Variants in ARHGAP18 observed in about 807,000 individuals in gnomAD.
ARHGAP18 encodes rho GTPase-activating protein 18.
ARHGAP18 carries 67 observed loss-of-function variants against 86.2 expected under a neutral mutation model. The ratio of observed to expected loss-of-function variants is 0.78; its 90% CI spans 0.64 to 0.95. The LOEUF is 0.95. ARHGAP18 is among the 40% of genes least tolerant of loss of function. The probability of loss-of-function intolerance (pLI) is 0.00; values close to 1 mark genes in which losing one functional copy is unlikely to be tolerated. For synonymous variants in ARHGAP18, 283 were observed against 280.4 expected, an observed-to-expected ratio of 1.01 and a Z score of -0.09; for missense variants, 691 against 780.4, an observed-to-expected ratio of 0.89 and a Z score of 1.37.
chr6:129,626,670 CAT>C (rs1315202363), intron 5 of ARHGAP18, among the ~76,000 whole-genome samples: 4 of 85,680 alleles, frequency 4.7e-5, no homozygotes, highest in African/African-American at 1.6e-4. Flanking sequence ...AACACACACA[CAT>C]ACACACACAC....
rs1788210084 is a variant in ARHGAP18 at position 129,577,833 on chromosome 6, T to C, written c.*680A>G. 1 of 152,188 alleles carries C rather than the reference T, an allele frequency of 6.6e-6. No individual in the cohort carries two copies. Among genetic ancestry groups the C allele is most frequent in the Admixed American group, 6.5e-5 (1 of 15,282 alleles). 9.4% of individuals were successfully genotyped at this position (152,188 alleles called of 1,614,324 possible). A position where few individuals can be genotyped will look rare whatever the true frequency, so the allele number is the denominator to read the frequency against. On this transcript the variant is annotated 3_prime_UTR_variant, in exon 15 of 15. Transcript: ENST00000368149. ...AGTATATAAGTATTTAATGGTTCAGTAATAACTGGCAGCTTCTGACAGTCC... is the reference window on the plus strand; with the variant it reads ...AGTATATAAGTATTTAATGGTTCAGCAATAACTGGCAGCTTCTGACAGTCC...
At position 129,625,113 on chromosome 6, in the gene ARHGAP18, ATATAG is replaced by A. The variant is rs1215421147; in HGVS notation, c.786+4235_786+4239del. On this transcript the variant is annotated intron_variant, in intron 5 of 14. Transcript: ENST00000368149. ...TGATATATGATATATATTATATATTATATAGATATATATTATATATGATATATATT... is the reference window on the plus strand; with the variant it reads ...TGATATATGATATATATTATATATTAATATATATTATATATGATATATATT... Among the ~76,000 whole-genome samples the A allele has an allele frequency of 4.9e-4, 25 of 51,390 alleles. 5 individuals carry two copies. Among genetic ancestry groups the A allele is most frequent in the East Asian group, 2.4e-3 (6 of 2,462 alleles). The allele number at this position is 51,390 out of a possible 152,430, so 33.7% of individuals were successfully genotyped here. A position where few individuals can be genotyped will look rare whatever the true frequency, so the allele number is the denominator to read the frequency against.
At chr6:129,654,518 C>T (rs1773786818) in intron 1 of ARHGAP18, among the ~76,000 whole-genome samples, 1 of 152,188 alleles carries the variant, frequency 6.6e-6, no homozygotes, top group Non-Finnish European at 1.5e-5. Context: ...TAGCAAAATT[C>T]CCACTTAACC....
chr6:129,691,139 G>T (rs1466045520), intron 1 of ARHGAP18, among the ~76,000 whole-genome samples: 1 of 152,144 alleles, frequency 6.6e-6, no homozygotes, highest in Non-Finnish European at 1.5e-5. Flanking sequence ...ATGAGATGGG[G>T]AAGAAGCAGG....
intron 12 of ARHGAP18, among the ~76,000 whole-genome samples, chr6:129,585,529 G>A (rs577736610): frequency 2.6e-5 from 4 of 152,238 alleles, no homozygotes; most frequent in South Asian, 2.1e-4. Flanking sequence ...TGGGATTGTG[G>A]AAGACCACAG....
At chr6:129,634,700 T>G (rs1020586660) in intron 3 of ARHGAP18, among the ~76,000 whole-genome samples, 1 of 152,116 alleles carries the variant, frequency 6.6e-6, no homozygotes, top group Non-Finnish European at 1.5e-5. Flanking sequence ...ATACAGGCTT[T>G]CTTTTGGAGA....
intron 5 of ARHGAP18, among the ~76,000 whole-genome samples, chr6:129,625,018 TA>T (rs1562695996): frequency 7.0e-4 from 62 of 88,324 alleles, no homozygotes; most frequent in South Asian, 2.3e-3. Context: ...ATATAATATA[TA>T]TGATATATGA....
At chr6:129,619,059 T>C (rs1789156725) in intron 5 of ARHGAP18, among the ~76,000 whole-genome samples, 1 of 150,568 alleles carries the variant, frequency 6.6e-6, no homozygotes, top group African/African-American at 2.5e-5. Flanking sequence ...ACTTCCAAAG[T>C]CTGACAGACA....
intron 1 of ARHGAP18, among the ~76,000 whole-genome samples, chr6:129,702,820 CA>C (rs1387783947): frequency 6.6e-6 from 1 of 152,116 alleles, no homozygotes; most frequent in Non-Finnish European, 1.5e-5. Flanking sequence ...GCCAACATGG[CA>C]AAACCCCGTC....
At chr6:129,655,317 C>CAAAAAAAAAAAAAAAAAAAAAAAAA (rs55681217) in intron 1 of ARHGAP18, among the ~76,000 whole-genome samples, 2 of 75,076 alleles carry the variant, frequency 2.7e-5, no homozygotes, top group African/African-American at 4.8e-5. Context: ...AAAACTCTCT[C>CAAAAAAAAAAAAAAAAAAAAAAAAA]AAAAAAAAAA....
chr6:129,611,714 G>A (rs1187633014), intron 7 of ARHGAP18, 104 bp from the exon 8 acceptor site: 11 of 909,746 alleles, frequency 1.2e-5, no homozygotes, highest in African/African-American at 1.7e-5. Context: ...ACAATGACAT[G>A]TAAACTGGAT....
intron 12 of ARHGAP18, among the ~76,000 whole-genome samples, chr6:129,585,160 GCC>G (rs11317845): frequency 6.6e-6 from 1 of 152,012 alleles, no homozygotes; most frequent in Non-Finnish European, 1.5e-5. Flanking sequence ...GTGTGGTGGT[GCC>G]CCACCTGTAA....
rs147986405 is a variant in ARHGAP18, at chr6:129,697,762, A to G, written c.113+12262T>C. 8.5e-3 allele frequency among the ~76,000 whole-genome samples: 1,292 copies of G among 152,324 alleles called. 21 individuals carry two copies. Among genetic ancestry groups the G allele is most frequent in the African/African-American group, 0.03 (1,245 of 41,568 alleles). On this transcript the variant is annotated intron_variant, in intron 1 of 14. Coordinates refer to ENST00000368149, the MANE Select transcript of ARHGAP18 (RefSeq NM_033515.3). The stretch of plus-strand genomic sequence containing the variant: ...AACATTAAAATACATCCCCATTTTC[A>G]ATAATAAATAAAAAATTAACAACCA...
chr6:129,652,499 G>A (rs534112865), intron 1 of ARHGAP18, among the ~76,000 whole-genome samples: 1 of 152,254 alleles, frequency 6.6e-6, no homozygotes, highest in Admixed American at 6.5e-5. Context: ...GAAGATTAAA[G>A]GTTTTTCCAC....
At chr6:129,628,876 A>G (rs1455371071) in intron 5 of ARHGAP18, among the ~76,000 whole-genome samples, 1 of 152,190 alleles carries the variant, frequency 6.6e-6, no homozygotes, top group Non-Finnish European at 1.5e-5. Context: ...GGAAGTTTTG[A>G]TATGACTGTA....
intron 1 of ARHGAP18, among the ~76,000 whole-genome samples, chr6:129,643,076 T>G (rs867892557): frequency 6.6e-6 from 1 of 151,972 alleles, no homozygotes; most frequent in South Asian, 2.1e-4. Flanking sequence ...CTTCTAAAAT[T>G]GAATTAAAGG....
intron 1 of ARHGAP18, among the ~76,000 whole-genome samples, chr6:129,646,631 A>G (rs1489589515): frequency 6.6e-6 from 1 of 152,216 alleles, no homozygotes; most frequent in East Asian, 1.9e-4. Flanking sequence ...TTCAAATAAA[A>G]ATAGTGAGAT....
At chr6:129,656,569 G>A (rs934325980) in intron 1 of ARHGAP18, among the ~76,000 whole-genome samples, 10 of 152,096 alleles carry the variant, frequency 6.6e-5, no homozygotes, top group East Asian at 1.9e-4. Context: ...TGAAGAACCC[G>A]GGAGGCGGAG....
intron 1 of ARHGAP18, among the ~76,000 whole-genome samples, chr6:129,657,933 C>CGGTCACTCAT (rs1259159266): frequency 6.6e-5 from 10 of 152,140 alleles, no homozygotes; most frequent in Non-Finnish European, 1.3e-4. Flanking sequence ...TCATAGTATA[C>CGGTCACTCAT]GGTCACTCAT....
Sources: allele counts gnomAD v4.1 joint callset (sites outside exome capture counted in the v4.1 genomes callset), GRCh38; gene constraint gnomAD v4.1.1; transcripts MANE v1.5; gene names NCBI Gene and HGNC (gene_info 2026-07-23, HGNC 2026-07-21).